Variants in EPS15L1 observed in about 807,000 individuals in gnomAD.
EPS15L1 encodes epidermal growth factor receptor substrate 15-like 1.
Under a neutral mutation model 117.1 loss-of-function variants are expected in EPS15L1, and 43 were observed. That is an observed-to-expected ratio of 0.37 (90% CI 0.29 to 0.47). The LOEUF is 0.47. EPS15L1 is among the 20% of genes least tolerant of loss of function. EPS15L1 has a pLI of 0.99. For synonymous variants in EPS15L1, 459 were observed against 470.5 expected (o/e 0.98, Z 0.32); for missense variants, 981 against 1,164.0 (o/e 0.84, Z 2.29).
intron 19 of EPS15L1, among the ~76,000 whole-genome samples, chr19:16,387,603 G>A (rs761974634): frequency 7.3e-5 from 11 of 151,648 alleles, no homozygotes; most frequent in Non-Finnish European, 1.0e-4. Flanking sequence ...GTGAAACTCC[G>A]TTTGAAAAAT....
At chr19:16,466,405 C>T (rs1471445049) in intron 1 of EPS15L1, among the ~76,000 whole-genome samples, 1 of 152,106 alleles carries the variant, frequency 6.6e-6, no homozygotes, top group African/African-American at 2.4e-5. Context: ...ACCTGCCCTG[C>T]TCTACTCATC....
chr19:16,440,826 A>C lies in EPS15L1; in HGVS notation c.213+36T>G, dbSNP rs774519603. 1.7e-5 allele frequency: 27 copies of C among 1,609,468 alleles called. No individual in the cohort carries two copies. The South Asian group carries it at 2.9e-4, about 17-fold the overall frequency. ...GTCACCCAGCCTGGGGGCTCTGCCC[A>C]GCCCCTCCATTTGCTCTGTGTACAT... On this transcript the variant is annotated intron_variant, in intron 4 of 23. Coordinates refer to ENST00000455140, the MANE Select transcript of EPS15L1 (RefSeq NM_001258374.3).
intron 3 of EPS15L1, chr19:16,441,651 A>AAT: frequency 3.3e-6 from 1 of 305,680 alleles, no homozygotes. Flanking sequence ...AAAAAAAAAA[A>AAT]GTCCACAAGC....
intron 7 of EPS15L1, 41 bp from the exon 8 acceptor site, chr19:16,428,802 G>A: frequency 6.5e-7 from 1 of 1,540,538 alleles, no homozygotes; most frequent in South Asian, 1.2e-5. Flanking sequence ...TGGGAGGAAG[G>A]ACTGGGTGAG....
intron 8 of EPS15L1, among the ~76,000 whole-genome samples, chr19:16,426,783 A>T (rs969980599): frequency 2.0e-5 from 3 of 152,248 alleles, no homozygotes; most frequent in African/African-American, 7.2e-5. Flanking sequence ...TTTAGACACA[A>T]GGAACATTTT....
At chr19:16,444,033 C>T (rs1205172667) in intron 1 of EPS15L1, among the ~76,000 whole-genome samples, 5 of 138,396 alleles carry the variant, frequency 3.6e-5, no homozygotes, top group African/African-American at 1.1e-4. Context: ...CACTGCACTC[C>T]AGCCCAGGCG....
intron 1 of EPS15L1, among the ~76,000 whole-genome samples, chr19:16,466,205 C>G (rs1224112782): frequency 1.3e-5 from 2 of 152,084 alleles, no homozygotes; most frequent in Non-Finnish European, 2.9e-5. Flanking sequence ...CCAGGCTGGT[C>G]TTGAACTCTC....
At chr19:16,430,874 G>A (rs1165218304) in intron 7 of EPS15L1, among the ~76,000 whole-genome samples, 3 of 152,224 alleles carry the variant, frequency 2.0e-5, no homozygotes, top group Non-Finnish European at 4.4e-5. Context: ...GCATGGGCAT[G>A]TGCACACACA....
Position 16,386,224 on chromosome 19 carries a change from G to C in EPS15L1, c.2111C>G (p.Pro704Arg), listed in dbSNP as rs1452332357. The C allele has an allele frequency of 6.2e-7, 1 of 1,611,690 alleles. No homozygotes were observed. Among genetic ancestry groups the C allele is most frequent in the Admixed American group, 1.7e-5 (1 of 59,992 alleles). ...TGAAAAGGGATCACTGGATTCAAAG[G>C]GGTCGAGCTAAATGAAAGGAGAGAG... is the stretch of plus-strand genomic sequence containing the variant. ...KNPSLPSKLD[P>R]FESSDPFSSS... Residue 704 changes from proline to arginine, a missense_variant, in exon 20 of 24, where the codon CCC becomes CGC. Physicochemically the swap from Pro to Arg is moderately radical, Grantham distance 103. This residue lies in a region of EPS15L1 where 819 missense variants were observed against 949.0 expected (regional missense o/e 0.86). Coordinates refer to ENST00000455140, the MANE Select transcript of EPS15L1 (RefSeq NM_001258374.3).
At position 16,462,107 on chromosome 19, in the gene EPS15L1, C is replaced by T. The variant is rs892770772; in HGVS notation, c.33+9806G>A. ...TTTGGAGCCCATGGTCTGATTCAGA[C>T]GCCTGTTCTCCATGGGGGTCTGACC... On this transcript the variant is annotated intron_variant, in intron 1 of 23. Transcript: ENST00000455140. Among the ~76,000 whole-genome samples, 3 of 152,192 alleles carry T rather than the reference C, an allele frequency of 2.0e-5. No individual in the cohort carries two copies. The South Asian group carries it at 6.2e-4, about 32-fold the overall frequency.
chr19:16,386,161 T>G lies in EPS15L1; in HGVS notation c.2164+10A>C, dbSNP rs1444863237. ...AATAGTCAGGAAGAAAAATAAGTCA[T>G]GGGTCTCACCTGATCCTTTTGAGGA... is the stretch of plus-strand genomic sequence containing the variant. On this transcript the variant is annotated intron_variant, in intron 20 of 23. Coordinates refer to ENST00000455140, the MANE Select transcript of EPS15L1 (RefSeq NM_001258374.3). The G allele has an allele frequency of 3.7e-6, 6 of 1,604,278 alleles. No homozygotes were observed. The highest frequency in any genetic ancestry group is 1.3e-5 in the African/African-American group (1 of 74,674).
chr19:16,411,120 G>T (rs1212832297), intron 13 of EPS15L1, among the ~76,000 whole-genome samples: 4 of 152,172 alleles, frequency 2.6e-5, no homozygotes, highest in African/African-American at 9.7e-5. Flanking sequence ...GCAAACAGGT[G>T]TTCGCACGAA....
intron 1 of EPS15L1, among the ~76,000 whole-genome samples, chr19:16,450,049 G>A (rs2093124880): frequency 6.7e-6 from 1 of 149,672 alleles, no homozygotes; most frequent in Non-Finnish European, 1.5e-5. Flanking sequence ...GGAGGGACGT[G>A]TTCTGTACCT....
chr19:16,431,367 G>T (rs943890931), intron 7 of EPS15L1, among the ~76,000 whole-genome samples: 22 of 150,194 alleles, frequency 1.5e-4, no homozygotes, highest in Middle Eastern at 3.4e-3. Context: ...GCAGTGGTAT[G>T]ATCTTGGCTC....
At chr19:16,433,298 T>C (rs1274543549) in intron 7 of EPS15L1, among the ~76,000 whole-genome samples, 3 of 151,862 alleles carry the variant, frequency 2.0e-5, no homozygotes, top group Admixed American at 2.0e-4. Flanking sequence ...TGGCTAATTT[T>C]TGTATTTTTT....
intron 23 of EPS15L1, among the ~76,000 whole-genome samples, chr19:16,359,210 G>T (rs1217555179): frequency 6.6e-6 from 1 of 152,140 alleles, no homozygotes; most frequent in Non-Finnish European, 1.5e-5. Context: ...CCAATCTGCC[G>T]GGCAGTCAGA....
At chr19:16,360,578 C>CA (rs35743635) in intron 23 of EPS15L1, among the ~76,000 whole-genome samples, 3,752 of 138,694 alleles carry the variant, frequency 0.027, 115 homozygotes, top group Admixed American at 0.091. Flanking sequence ...CCTACCTCTA[C>CA]AAAAAAAAAA....
intron 1 of EPS15L1, among the ~76,000 whole-genome samples, chr19:16,457,497 G>A (rs1028802704): frequency 3.9e-5 from 6 of 152,300 alleles, no homozygotes; most frequent in Middle Eastern, 3.4e-3. Flanking sequence ...GGCTTGCCAC[G>A]GGGAGGGAGG....
intron 1 of EPS15L1, among the ~76,000 whole-genome samples, chr19:16,460,111 C>T (rs1192735677): frequency 1.3e-5 from 2 of 152,062 alleles, no homozygotes; most frequent in Non-Finnish European, 2.9e-5. Context: ...CCTAGCCCTA[C>T]AAAAATTAAA....
Sources: allele counts gnomAD v4.1 joint callset (sites outside exome capture counted in the v4.1 genomes callset), GRCh38; gene constraint gnomAD v4.1.1; regional missense constraint gnomAD v4.1.1; transcripts MANE v1.5; gene names NCBI Gene and HGNC (gene_info 2026-07-23, HGNC 2026-07-21).